Variants in GRIA3 observed in about 807,000 individuals in gnomAD.
GRIA3 encodes glutamate receptor 3.
Under a neutral mutation model 63.0 loss-of-function variants are expected in GRIA3, and 3 were observed. The ratio of observed to expected loss-of-function variants is 0.05; its 90% CI spans 0.02 to 0.12. GRIA3 has a LOEUF of 0.12. Ranked by LOEUF, GRIA3 falls within the 10% of genes least tolerant of loss-of-function variation. The pLI is 1.00. For missense variants in GRIA3, 347 were observed against 700.9 expected, an observed-to-expected ratio of 0.50 and a Z score of 5.70; for synonymous variants, 274 against 257.9, an observed-to-expected ratio of 1.06 and a Z score of -0.60.
chrX:123,309,434 AT>A (rs1174871761), intron 3 of GRIA3, among the ~76,000 whole-genome samples: 2 of 111,396 alleles, frequency 1.8e-5, no homozygotes, highest in African/African-American at 6.5e-5. Context: ...TCTAAAGGTA[AT>A]TCTTGAATCC....
intron 4 of GRIA3, among the ~76,000 whole-genome samples, chrX:123,354,691 GT>G (rs1159997944): frequency 9.0e-6 from 1 of 111,049 alleles, no homozygotes; most frequent in Non-Finnish European, 1.9e-5. Flanking sequence ...AGTTTAGGGA[GT>G]TTTTTTCCCC....
intron 2 of GRIA3, among the ~76,000 whole-genome samples, chrX:123,229,429 T>A (rs1176378433): frequency 8.9e-6 from 1 of 112,046 alleles, no homozygotes; most frequent in Non-Finnish European, 1.9e-5. Flanking sequence ...AAAAATTATT[T>A]ATTAAACAAA....
chrX:123,448,504 T>C (rs1009078656), intron 12 of GRIA3, among the ~76,000 whole-genome samples: 4 of 112,239 alleles, frequency 3.6e-5, no homozygotes, highest in Non-Finnish European at 7.5e-5. Context: ...AAAGTGGTTC[T>C]TGGTGCTGTT....
chrX:123,315,254 C>T (rs773546520), intron 3 of GRIA3, among the ~76,000 whole-genome samples: 14 of 111,942 alleles, frequency 1.3e-4, no homozygotes, highest in South Asian at 3.7e-4. Flanking sequence ...AATTTGCTAA[C>T]GGTAAATTAA....
At chrX:123,429,609 T>C (rs1000366667) in intron 12 of GRIA3, among the ~76,000 whole-genome samples, 29 of 112,012 alleles carry the variant, frequency 2.6e-4, no homozygotes, top group African/African-American at 8.8e-4. Flanking sequence ...TTCCATCTGA[T>C]GAGTAGTCAA....
At chrX:123,331,285 C>T (rs1008793109) in intron 4 of GRIA3, among the ~76,000 whole-genome samples, 5 of 111,993 alleles carry the variant, frequency 4.5e-5, no homozygotes, top group Non-Finnish European at 9.4e-5. Context: ...TGAAGCAGGT[C>T]AATCCTTCAG....
At chrX:123,429,751 T>C (rs189279069) in intron 12 of GRIA3, among the ~76,000 whole-genome samples, 2 of 111,484 alleles carry the variant, frequency 1.8e-5, no homozygotes, top group African/African-American at 6.6e-5. Flanking sequence ...CAGAAGCTTC[T>C]ATATGAAGTA....
At chrX:123,244,460 C>CT (rs1368773822) in intron 2 of GRIA3, among the ~76,000 whole-genome samples, 2 of 112,691 alleles carry the variant, frequency 1.8e-5, no homozygotes, top group Admixed American at 1.9e-4. Flanking sequence ...AGGAAGATAG[C>CT]TGCCTGTATG....
intron 12 of GRIA3, among the ~76,000 whole-genome samples, chrX:123,459,786 C>T (rs1487578242): frequency 5.5e-5 from 6 of 108,556 alleles, no homozygotes; most frequent in Non-Finnish European, 1.1e-4. Flanking sequence ...CCTTTTATTG[C>T]CTTCTTTATT....
chrX:123,465,180 T>C, intron 13 of GRIA3, 68 bp downstream of exon 13: 1 of 1,052,669 alleles, frequency 9.5e-7, no homozygotes, highest in Non-Finnish European at 1.3e-6. Context: ...CATTTTGTTG[T>C]CATTTTCTTT....
chrX:123,291,387 G>A (rs1178046450), intron 3 of GRIA3, among the ~76,000 whole-genome samples: 5 of 110,645 alleles, frequency 4.5e-5, no homozygotes, highest in Non-Finnish European at 7.6e-5. Context: ...ACCATCAAAT[G>A]GCAACAACAG....
intron 12 of GRIA3, among the ~76,000 whole-genome samples, chrX:123,430,503 T>C (rs775733423): frequency 1.9e-4 from 21 of 111,232 alleles, no homozygotes; most frequent in African/African-American, 6.5e-4. Flanking sequence ...ACAAAGACTA[T>C]CTTTGATATT....
rs772765903 is a variant in GRIA3, at chrX:123,435,147, T to C, written c.2076+7008T>C. 4.5e-4 allele frequency among the ~76,000 whole-genome samples: 51 copies of C among 112,232 alleles called. 1 individual carries two copies. The South Asian group carries it at 0.019, about 42-fold the overall frequency. On this transcript the variant is annotated intron_variant, in intron 12 of 15. Transcript: ENST00000620443. ...TAGATGACTTTCCCTCCAGGGAAGC[T>C]GGTGGTGTTTATTTCTATGGAGCTA...
intron 5 of GRIA3, among the ~76,000 whole-genome samples, chrX:123,374,907 GA>G (rs1733257864): frequency 8.9e-6 from 1 of 111,989 alleles, no homozygotes; most frequent in African/African-American, 3.2e-5. Flanking sequence ...GGAGTGGTGA[GA>G]AAGGTGGATG....
At chrX:123,219,997 TG>T (rs1205141479) in intron 2 of GRIA3, among the ~76,000 whole-genome samples, 1 of 112,299 alleles carries the variant, frequency 8.9e-6, no homozygotes, top group Non-Finnish European at 1.9e-5. Context: ...AAATAGCACT[TG>T]GCAGGCAGCC....
At chrX:123,326,278 T>C in intron 4 of GRIA3, 65 bp downstream of exon 4, 3 of 908,117 alleles carry the variant, frequency 3.3e-6, no homozygotes, top group Non-Finnish European at 4.8e-6. Context: ...TCAGCTCCCA[T>C]ATCTGCTAAT....
chrX:123,377,987 G>A (rs1056612872), intron 5 of GRIA3, among the ~76,000 whole-genome samples: 4 of 111,630 alleles, frequency 3.6e-5, no homozygotes, highest in Non-Finnish European at 7.5e-5. Context: ...GTCCTCTATC[G>A]AGATCCTCAA....
At chrX:123,311,573 G>T (rs915959580) in intron 3 of GRIA3, among the ~76,000 whole-genome samples, 1 of 112,259 alleles carries the variant, frequency 8.9e-6, no homozygotes, top group Non-Finnish European at 1.9e-5. Flanking sequence ...TGGAGGCAGG[G>T]ATATCTGAGA....
chrX:123,268,678 G>T (rs753135088), intron 3 of GRIA3, among the ~76,000 whole-genome samples: 1 of 110,736 alleles, frequency 9.0e-6, no homozygotes, highest in African/African-American at 3.3e-5. Flanking sequence ...TTAAGGCTGA[G>T]GTTTCAGGTT....
Sources: allele counts gnomAD v4.1 joint callset (sites outside exome capture counted in the v4.1 genomes callset), GRCh38; gene constraint gnomAD v4.1.1; transcripts MANE v1.5; gene names NCBI Gene and HGNC (gene_info 2026-07-23, HGNC 2026-07-21).